Variants in SLC8A1 observed in about 807,000 individuals in gnomAD.
SLC8A1 encodes sodium/calcium exchanger 1.
A neutral mutation model predicts 68.3 loss-of-function variants in SLC8A1; 18 were observed. The observed-to-expected ratio is 0.26, with a 90% CI of 0.18 to 0.39. The LOEUF (loss-of-function observed/expected upper bound fraction) is 0.39. Among genes scored for constraint, SLC8A1 ranks in the 10% least tolerant of loss-of-function variants. The probability of loss-of-function intolerance (pLI) is 1.00; values close to 1 mark genes in which losing one functional copy is unlikely to be tolerated. For missense variants in SLC8A1, 985 were observed against 1,156.7 expected, an observed-to-expected ratio of 0.85 and a Z score of 2.15; for synonymous variants, 475 against 415.5, an observed-to-expected ratio of 1.14 and a Z score of -1.74.
intron 2 of SLC8A1, among the ~76,000 whole-genome samples, chr2:40,418,421 T>C (rs1694510048): frequency 1.3e-5 from 2 of 152,170 alleles, no homozygotes; most frequent in South Asian, 2.1e-4. Context: ...AAGACTCCCA[T>C]ATCTGATCTT....
At chr2:40,332,009 G>A (rs769194452) in intron 2 of SLC8A1, among the ~76,000 whole-genome samples, 1 of 151,888 alleles carries the variant, frequency 6.6e-6, no homozygotes, top group African/African-American at 2.4e-5. Flanking sequence ...GAGTGCAGTG[G>A]TGTGATCACA....
intron 2 of SLC8A1, among the ~76,000 whole-genome samples, chr2:40,244,320 CCTT>C (rs1397731104): frequency 6.6e-6 from 1 of 152,262 alleles, no homozygotes; most frequent in African/African-American, 2.4e-5. Context: ...ACGTGAGTCT[CCTT>C]CTGAGCGTTT....
At chr2:40,415,095 T>C (rs1693400707) in intron 2 of SLC8A1, among the ~76,000 whole-genome samples, 1 of 152,164 alleles carries the variant, frequency 6.6e-6, no homozygotes, top group Non-Finnish European at 1.5e-5. Flanking sequence ...CTGATAAGGA[T>C]AGCCTATAAG....
intron 2 of SLC8A1, among the ~76,000 whole-genome samples, chr2:40,423,771 A>T (rs551673549): frequency 1.3e-5 from 2 of 152,166 alleles, no homozygotes; most frequent in South Asian, 4.1e-4. Context: ...GCAGTACTAA[A>T]TTCAGACTCA....
intron 2 of SLC8A1, among the ~76,000 whole-genome samples, chr2:40,325,694 G>GAT (rs2075739517): frequency 6.7e-6 from 1 of 149,570 alleles, no homozygotes; most frequent in Non-Finnish European, 1.5e-5. Flanking sequence ...AGCACTTTGG[G>GAT]AGGCCAAGAC....
At chr2:40,499,293 C>A (rs903246565) in intron 1 of SLC8A1, among the ~76,000 whole-genome samples, 2 of 152,006 alleles carry the variant, frequency 1.3e-5, no homozygotes, top group Non-Finnish European at 2.9e-5. Context: ...AGCTGTGTAA[C>A]CTTGGACAGA....
intron 1 of SLC8A1, among the ~76,000 whole-genome samples, chr2:40,440,037 C>A (rs1461136770): frequency 6.6e-6 from 1 of 151,976 alleles, no homozygotes; most frequent in African/African-American, 2.4e-5. Context: ...CTAGTCAAAT[C>A]TTATTATTTA....
rs537281145 is a variant in SLC8A1 at position 40,171,723 on chromosome 2, G to A, written c.1930+3102C>T. On this transcript the variant is annotated intron_variant, in intron 4 of 7. Coordinates refer to ENST00000406785, the Ensembl canonical transcript of SLC8A1. The stretch of plus-strand genomic sequence containing the variant: ...GTGAGAACAATGTCTTACTCTATAA[G>A]ATTGGTGATAAAGTGATATGATGAA... Among the ~76,000 whole-genome samples the A allele has an allele frequency of 2.6e-5, 4 of 152,314 alleles. No individual in the cohort carries two copies. The South Asian group carries it at 8.3e-4, about 32-fold the overall frequency.
chr2:40,364,539 C>A (rs576391084), intron 2 of SLC8A1, among the ~76,000 whole-genome samples: 5 of 150,766 alleles, frequency 3.3e-5, no homozygotes, highest in African/African-American at 1.2e-4. Flanking sequence ...TCTCCCCAGG[C>A]AATTATTTTG....
chr2:40,477,154 A>G lies in SLC8A1; in HGVS notation c.-25+35195T>C, dbSNP rs558998619. On this transcript the variant is annotated intron_variant, in intron 1 of 7. Coordinates refer to the SLC8A1 transcript ENST00000402441. Reference sequence around the variant, plus strand: ...AATACTATTTTCTGAAAACAGAAACAGAAAGTCCATTAAATAATAAATTTC... The same window carrying G: ...AATACTATTTTCTGAAAACAGAAACGGAAAGTCCATTAAATAATAAATTTC... 4.6e-5 allele frequency among the ~76,000 whole-genome samples: 7 copies of G among 152,352 alleles called. No homozygotes were observed. In the South Asian group the frequency reaches 1.0e-3, roughly 23 times the overall value.
chr2:40,418,598 T>C (rs1170006257), intron 2 of SLC8A1, among the ~76,000 whole-genome samples: 1 of 152,214 alleles, frequency 6.6e-6, no homozygotes, highest in South Asian at 2.1e-4. Flanking sequence ...TCATGCTTAA[T>C]AAGCTCATAC....
intron 2 of SLC8A1, among the ~76,000 whole-genome samples, chr2:40,238,287 G>T (rs1396291949): frequency 6.6e-6 from 1 of 152,216 alleles, no homozygotes; most frequent in Non-Finnish European, 1.5e-5. Flanking sequence ...TCCCAGCCAG[G>T]TGCGGGATAT....
chr2:40,502,641 T>C (rs932629453), intron 1 of SLC8A1, among the ~76,000 whole-genome samples: 1 of 152,096 alleles, frequency 6.6e-6, no homozygotes, highest in African/African-American at 2.4e-5. Context: ...AGCATTCAAA[T>C]ACTTTCATGT....
At chr2:40,315,829 A>T (rs1383119500) in intron 2 of SLC8A1, among the ~76,000 whole-genome samples, 1 of 152,022 alleles carries the variant, frequency 6.6e-6, no homozygotes, top group Non-Finnish European at 1.5e-5. Flanking sequence ...ACATGGTGAT[A>T]ATGTATTAAG....
At chr2:40,491,190 G>T (rs1203694310) in intron 1 of SLC8A1, among the ~76,000 whole-genome samples, 2 of 152,108 alleles carry the variant, frequency 1.3e-5, no homozygotes, top group African/African-American at 2.4e-5. Context: ...TCCTTGAAAA[G>T]GTCCTTCACG....
At position 40,179,193 on chromosome 2, in the gene SLC8A1, T is replaced by C. The variant is rs529619042; in HGVS notation, c.1809-1338A>G. ...GGAAGCTGTGGCCTCACAACAGCTG[T>C]TGTGAAAGTGGGGTGGCAGCAGGTG... On this transcript the variant is annotated intron_variant, in intron 2 of 7. Coordinates refer to ENST00000406785, the Ensembl canonical transcript of SLC8A1. 3.9e-5 allele frequency among the ~76,000 whole-genome samples: 6 copies of C among 152,316 alleles called. No individual in the cohort carries two copies. In the East Asian group the frequency reaches 1.2e-3, roughly 29 times the overall value.
At chr2:40,429,963 G>A (rs1486497167) in exon 2 of SLC8A1, 3 of 1,613,614 alleles carry the variant, frequency 1.9e-6, no homozygotes, top group South Asian at 2.2e-5. Flanking sequence ...CTTGAGATGT[G>A]ATGACTTCTA....
chr2:40,130,625 T>A (rs1413095721), intron 7 of SLC8A1, among the ~76,000 whole-genome samples: 1 of 152,236 alleles, frequency 6.6e-6, no homozygotes, highest in Non-Finnish European at 1.5e-5. Context: ...TTAGAGTATG[T>A]GAAAACAAAA....
At chr2:40,113,476 C>T (rs1181025063) in exon 8 of SLC8A1, 4 of 152,694 alleles carry the variant, frequency 2.6e-5, no homozygotes, top group Non-Finnish European at 5.9e-5. Context: ...TCCAATCCTC[C>T]TGGGAGGTAC....
Sources: gnomAD v4.1 joint callset for allele counts (sites outside exome capture counted in the v4.1 genomes callset) on GRCh38, gnomAD v4.1.1 for gene constraint, MANE v1.5 for transcripts, NCBI Gene and HGNC (gene_info 2026-07-23, HGNC 2026-07-21) for gene names.